The following TTC6 variants were observed in gnomAD, a reference collection of about 807,000 sequenced individuals.
TTC6 encodes the protein tetratricopeptide repeat protein 6.
TTC6 carries 172 observed loss-of-function variants against 210.4 expected under a neutral mutation model. The ratio of observed to expected loss-of-function variants is 0.82; its 90% CI spans 0.72 to 0.93. The LOEUF (loss-of-function observed/expected upper bound fraction) is 0.93. Ranked by LOEUF, TTC6 falls within the 40% of genes least tolerant of loss-of-function variation. The pLI is 0.00. For missense variants in TTC6, 2,414 were observed against 2,318.1 expected (o/e 1.04, Z -0.85); for synonymous variants, 804 against 819.6 (o/e 0.98, Z 0.32).
intron 14 of TTC6, among the ~76,000 whole-genome samples, chr14:37,774,884 G>T (rs2096032286): frequency 6.6e-6 from 1 of 152,058 alleles, no homozygotes; most frequent in Non-Finnish European, 1.5e-5. Context: ...TTTCTTGTTT[G>T]TAGGCTTTTT....
At chr14:37,743,617 C>G (rs2138980810) in intron 10 of TTC6, among the ~76,000 whole-genome samples, 1 of 152,232 alleles carries the variant, frequency 6.6e-6, no homozygotes, top group Non-Finnish European at 1.5e-5. Context: ...ATAAAGAAAC[C>G]TTGAAATTAT....
chr14:37,794,544 ATT>A (rs2096087871), intron 17 of TTC6, among the ~76,000 whole-genome samples: 1 of 150,804 alleles, frequency 6.6e-6, no homozygotes, highest in African/African-American at 2.5e-5. Context: ...TGCGACCAGT[ATT>A]AAGGGAATAA....
At chr14:37,793,857 C>G (rs1469389719) in intron 17 of TTC6, among the ~76,000 whole-genome samples, 1 of 152,086 alleles carries the variant, frequency 6.6e-6, no homozygotes, top group East Asian at 1.9e-4. Context: ...ACTATGCTAG[C>G]TGACTTGGAA....
chr14:37,619,616 T>C (rs1399713354), upstream of TTC6, among the ~76,000 whole-genome samples: 2 of 152,184 alleles, frequency 1.3e-5, no homozygotes, highest in Non-Finnish European at 2.9e-5. Context: ...ATCATCAATT[T>C]AATGCTGCCT....
At chr14:37,812,542 A>G (rs2096131949) in intron 25 of TTC6, 109 bp downstream of exon 27, 2 of 1,066,298 alleles carry the variant, frequency 1.9e-6, no homozygotes, top group Non-Finnish European at 2.6e-6. Flanking sequence ...TGGTAGCTCA[A>G]CTTTAGCAAG....
In TTC6 at chr14:37,603,862, TG is replaced by T. The variant is rs776205751; in HGVS notation, c.-234-2799del. Among the ~76,000 whole-genome samples the T allele has an allele frequency of 6.7e-4, 102 of 152,352 alleles. No individual in the cohort carries two copies. In the Middle Eastern group the frequency reaches 0.034, roughly 51 times the overall value. ...TGCAATTCCGGCTTGGAATCAGACC[TG>T]GATTCCAATCGAGATACTGCAGGGG... is the stretch of plus-strand genomic sequence containing the variant. On this transcript the variant is annotated intron_variant, in intron 1 of 2. Coordinates refer to the TTC6 transcript ENST00000556845.
chr14:37,682,561 A>T (rs1158961900), intron 2 of TTC6, among the ~76,000 whole-genome samples, 197 bp from the exon 5 acceptor site: 1 of 152,132 alleles, frequency 6.6e-6, no homozygotes, highest in Non-Finnish European at 1.5e-5. Context: ...GAGGAAAATA[A>T]TTTGCCAGCC....
upstream of TTC6, among the ~76,000 whole-genome samples, chr14:37,621,201 G>A (rs572805699): frequency 3.0e-4 from 46 of 152,326 alleles, no homozygotes; most frequent in African/African-American, 1.1e-3. Flanking sequence ...CACAAGAACT[G>A]GGATTTGGCC....
At chr14:37,841,806 C>G in intron 30 of TTC6, 136 bp downstream of exon 32, 1 of 760,312 alleles carries the variant, frequency 1.3e-6, no homozygotes, top group Admixed American at 3.3e-5. Context: ...ATATCATGTC[C>G]TTAATATAAT....
At chr14:37,733,195 C>T (rs1182417802) in intron 7 of TTC6, among the ~76,000 whole-genome samples, 1 of 152,168 alleles carries the variant, frequency 6.6e-6, no homozygotes, top group East Asian at 1.9e-4. Context: ...CCATTTACCC[C>T]TTCTTGACTT....
intron 1 of TTC6, among the ~76,000 whole-genome samples, chr14:37,597,233 T>C (rs990333625): frequency 1.3e-5 from 2 of 152,156 alleles, no homozygotes; most frequent in African/African-American, 2.4e-5. Flanking sequence ...TAGCTGACTT[T>C]AGTTCCATTT....
At chr14:37,842,275 A>G in exon 31 of TTC6, 1 of 1,604,120 alleles carries the variant, frequency 6.2e-7, no homozygotes, top group Non-Finnish European at 8.5e-7. Context: ...CTTGAAGACT[A>G]TGCCTCAGTT....
intron 14 of TTC6, among the ~76,000 whole-genome samples, chr14:37,760,762 G>A (rs898221976): frequency 3.9e-5 from 6 of 152,158 alleles, no homozygotes; most frequent in Non-Finnish European, 7.4e-5. Flanking sequence ...CCGCTTTGCC[G>A]CACTGTGGTG....
intron 20 of TTC6, among the ~76,000 whole-genome samples, chr14:37,804,120 T>A: frequency 6.6e-6 from 1 of 152,168 alleles, no homozygotes; most frequent in South Asian, 2.1e-4. Flanking sequence ...TTAATGAGAG[T>A]TTGAACATTT....
chr14:37,596,262 G>C (rs1436464653), intron 1 of TTC6, among the ~76,000 whole-genome samples: 1 of 152,230 alleles, frequency 6.6e-6, no homozygotes, highest in East Asian at 1.9e-4. Context: ...AAAAGGTCAG[G>C]GGGAGGGGAC....
chr14:37,685,191 G>T (rs1338529472), intron 3 of TTC6, among the ~76,000 whole-genome samples: 1 of 152,154 alleles, frequency 6.6e-6, no homozygotes, highest in Non-Finnish European at 1.5e-5. Flanking sequence ...ATATAGATAT[G>T]ATCACATGAC....
intron 1 of TTC6, among the ~76,000 whole-genome samples, chr14:37,656,418 G>C (rs1408855260): frequency 2.0e-5 from 3 of 152,114 alleles, no homozygotes; most frequent in African/African-American, 7.2e-5. Context: ...TTATCATCTG[G>C]TGAGAGAGAC....
At chr14:37,621,469 G>C (rs897613094), upstream of TTC6, among the ~76,000 whole-genome samples, 4 of 152,038 alleles carry the variant, frequency 2.6e-5, no homozygotes, top group Non-Finnish European at 4.4e-5. Flanking sequence ...GTATTAGCTG[G>C]ATGTGGTGTA....
chr14:37,731,789 A>G (rs2095886892), intron 7 of TTC6, among the ~76,000 whole-genome samples: 1 of 152,156 alleles, frequency 6.6e-6, no homozygotes, highest in African/African-American at 2.4e-5. Flanking sequence ...CTGTATTCTT[A>G]TATTTTAGAT....
Sources: allele counts gnomAD v4.1 joint callset (sites outside exome capture counted in the v4.1 genomes callset), GRCh38; gene constraint gnomAD v4.1.1; transcripts MANE v1.5; gene names NCBI Gene and HGNC (gene_info 2026-07-23, HGNC 2026-07-21).